Variants in CHODL observed in about 807,000 individuals in gnomAD.
CHODL encodes transmembrane protein MT75.
A neutral mutation model predicts 34.5 loss-of-function variants in CHODL; 29 were observed. That is an observed-to-expected ratio of 0.84 (90% CI 0.63 to 1.15). The LOEUF (loss-of-function observed/expected upper bound fraction) is 1.15, where lower values mean the gene tolerates loss of function less well. CHODL is among the 50% of genes most tolerant of loss of function. The probability of loss-of-function intolerance (pLI) is 0.00; values close to 1 mark genes in which losing one functional copy is unlikely to be tolerated. For missense variants in CHODL, 332 were observed against 332.5 expected (o/e 1.00, Z 0.01); for synonymous variants, 125 against 116.1 (o/e 1.08, Z -0.49).
At chr21:18,173,428 A>G (rs2146663695) in intron 2 of CHODL, among the ~76,000 whole-genome samples, 1 of 152,344 alleles carries the variant, frequency 6.6e-6, no homozygotes, top group African/African-American at 2.4e-5. Flanking sequence ...TAATCGGTTC[A>G]GTCATTTTAA....
intron 2 of CHODL, among the ~76,000 whole-genome samples, chr21:18,129,110 A>G (rs897764801): frequency 4.6e-5 from 7 of 152,076 alleles, no homozygotes; most frequent in Non-Finnish European, 8.8e-5. Context: ...CTTGCTGTAT[A>G]TTCTGTAGCA....
chr21:17,952,978 A>G (rs2063470650), intron 1 of CHODL, among the ~76,000 whole-genome samples: 1 of 152,114 alleles, frequency 6.6e-6, no homozygotes. Context: ...CTCCCTCACT[A>G]TCATGAGAAC....
At chr21:18,235,813 A>C (rs541470172) in intron 2 of CHODL, among the ~76,000 whole-genome samples, 2 of 152,260 alleles carry the variant, frequency 1.3e-5, no homozygotes, top group Admixed American at 1.3e-4. Flanking sequence ...CAAATAGTTC[A>C]TATTTAGCTA....
intron 2 of CHODL, among the ~76,000 whole-genome samples, chr21:18,146,625 C>T (rs948620105): frequency 5.3e-5 from 8 of 152,112 alleles, no homozygotes; most frequent in Non-Finnish European, 1.2e-4. Context: ...AACTGTGGGT[C>T]AATTAAACTT....
chr21:18,195,609 G>A (rs148422442), intron 2 of CHODL, among the ~76,000 whole-genome samples: 33 of 152,124 alleles, frequency 2.2e-4, no homozygotes, highest in African/African-American at 6.3e-4. Context: ...TGTCCTCCAC[G>A]TTTATCCATG....
At chr21:18,251,689 A>ATTTATTTATTTT (rs2074254837) in intron 1 of CHODL, among the ~76,000 whole-genome samples, 5 of 130,486 alleles carry the variant, frequency 3.8e-5, no homozygotes, top group African/African-American at 1.7e-4. Flanking sequence ...TATATAAAAT[A>ATTTATTTATTTT]AATATTTTAT....
At chr21:18,237,746 T>C (rs2074041604) in intron 2 of CHODL, among the ~76,000 whole-genome samples, 1 of 152,148 alleles carries the variant, frequency 6.6e-6, no homozygotes, top group South Asian at 2.1e-4. Context: ...CACCTACTGT[T>C]TGTTAATTAA....
chr21:18,114,335 C>G (rs2065386596), intron 2 of CHODL, among the ~76,000 whole-genome samples: 4 of 152,128 alleles, frequency 2.6e-5, no homozygotes, highest in African/African-American at 9.7e-5. Flanking sequence ...GGGATGGATA[C>G]CCCATTCTCC....
rs528330963 is a variant in CHODL at position 18,159,319 on chromosome 21, TG to T, written c.-44-97188del. ...CACAAACGTTTGGCAGAGATTTAACTGGTATATAAAGTTGCAAATAGTGATG... is the reference window on the plus strand; with the variant it reads ...CACAAACGTTTGGCAGAGATTTAACTGTATATAAAGTTGCAAATAGTGATG... On this transcript the variant is annotated intron_variant, in intron 2 of 6. Coordinates refer to the CHODL transcript ENST00000400127. Among the ~76,000 whole-genome samples the T allele has an allele frequency of 7.9e-5, 12 of 152,334 alleles. No individual in the cohort carries two copies. The East Asian group carries it at 1.7e-3, about 22-fold the overall frequency.
chr21:18,145,252 A>C (rs8128416), intron 2 of CHODL, among the ~76,000 whole-genome samples: 143,901 of 144,018 alleles, frequency 1, 71,892 homozygotes, highest in Middle Eastern at 1. Context: ...CTGGCTAACA[A>C]GGTGAAACCC....
chr21:18,028,208 T>G (rs1220729898), intron 2 of CHODL, among the ~76,000 whole-genome samples: 1 of 75,302 alleles, frequency 1.3e-5, no homozygotes, highest in Non-Finnish European at 2.8e-5. Flanking sequence ...CTTTAGCTCT[T>G]CCTCCCCTCC....
intron 2 of CHODL, among the ~76,000 whole-genome samples, chr21:18,038,757 A>T (rs986621532): frequency 1.3e-5 from 2 of 151,710 alleles, no homozygotes; most frequent in African/African-American, 2.4e-5. Flanking sequence ...ATGAGTGGAT[A>T]GTTTCTGTAT....
At chr21:18,195,031 A>ATTTATTTC (rs1480384206) in intron 2 of CHODL, among the ~76,000 whole-genome samples, 1 of 42,992 alleles carries the variant, frequency 2.3e-5, no homozygotes, top group Non-Finnish European at 5.2e-5. Context: ...ACAATACATT[A>ATTTATTTC]TTTATTTATT....
At chr21:18,242,363 A>G (rs2074090549), upstream of CHODL, among the ~76,000 whole-genome samples, 1 of 152,054 alleles carries the variant, frequency 6.6e-6, no homozygotes, top group Non-Finnish European at 1.5e-5. Context: ...ACCTTGTAAC[A>G]TTTTTCCAAA....
chr21:18,003,472 T>C (rs911116519), intron 1 of CHODL, among the ~76,000 whole-genome samples: 1 of 151,730 alleles, frequency 6.6e-6, no homozygotes, highest in Non-Finnish European at 1.5e-5. Flanking sequence ...CTGATTGCTT[T>C]CTAAGTGATA....
intron 1 of CHODL, among the ~76,000 whole-genome samples, chr21:17,924,375 G>A (rs1024266676): frequency 6.6e-6 from 1 of 152,186 alleles, no homozygotes; most frequent in South Asian, 2.1e-4. Context: ...AAAGGTGTCC[G>A]AGGGCTGTCT....
intron 2 of CHODL, among the ~76,000 whole-genome samples, chr21:18,161,943 G>A (rs551342985): frequency 4.7e-4 from 71 of 152,242 alleles, no homozygotes; most frequent in African/African-American, 1.6e-3. Context: ...TGAATCCTAA[G>A]TGTACAGCTG....
chr21:18,204,779 T>A (rs2073694207), intron 2 of CHODL, among the ~76,000 whole-genome samples: 1 of 152,198 alleles, frequency 6.6e-6, no homozygotes, highest in African/African-American at 2.4e-5. Flanking sequence ...CACTAGAGTT[T>A]GGCCTACTTA....
At chr21:17,928,028 T>C (rs946430324) in intron 1 of CHODL, among the ~76,000 whole-genome samples, 4 of 152,212 alleles carry the variant, frequency 2.6e-5, no homozygotes, top group African/African-American at 9.6e-5. Flanking sequence ...TCCATTATAT[T>C]GAATAGGTTC....
Sources: allele counts gnomAD v4.1 joint callset (sites outside exome capture counted in the v4.1 genomes callset), GRCh38; gene constraint gnomAD v4.1.1; transcripts MANE v1.5; gene names NCBI Gene and HGNC (gene_info 2026-07-23, HGNC 2026-07-21).